DCDC2: variants seen among roughly 807,000 people sequenced by gnomAD.
DCDC2 encodes the protein doublecortin domain-containing protein 2.
In DCDC2, 40 loss-of-function variants were observed where a neutral mutation model predicts 50.2. That is an observed-to-expected ratio of 0.80 (90% confidence interval 0.62 to 1.04). The LOEUF is 1.04. Among genes scored for constraint, DCDC2 ranks in the 50% least tolerant of loss-of-function variants. The pLI is 0.00. For synonymous variants in DCDC2, 234 were observed against 210.6 expected, an observed-to-expected ratio of 1.11 and a Z score of -0.96; for missense variants, 570 against 581.9, an observed-to-expected ratio of 0.98 and a Z score of 0.21.
intron 2 of DCDC2, among the ~76,000 whole-genome samples, chr6:24,308,730 T>C (rs1033001239): frequency 2.0e-5 from 3 of 152,032 alleles, no homozygotes; most frequent in African/African-American, 7.2e-5. Context: ...AGCCCAGAAA[T>C]TGAAACTCTA....
chr6:24,229,875 A>G (rs1412271032), intron 7 of DCDC2, among the ~76,000 whole-genome samples: 1 of 151,816 alleles, frequency 6.6e-6, no homozygotes, highest in Non-Finnish European at 1.5e-5. Flanking sequence ...GAGGGTGCCT[A>G]TCCCAAACTC....
At chr6:24,359,738 G>A (rs935136566), upstream of DCDC2, among the ~76,000 whole-genome samples, 1 of 150,712 alleles carries the variant, frequency 6.6e-6, no homozygotes, top group Non-Finnish European at 1.5e-5. Flanking sequence ...CCCGGAAGGA[G>A]GGAGGGAAGG....
intron 6 of DCDC2, among the ~76,000 whole-genome samples, chr6:24,282,972 GA>G (rs1314014002): frequency 1.3e-5 from 2 of 151,796 alleles, no homozygotes; most frequent in Non-Finnish European, 2.9e-5. Context: ...GAATAATAAC[GA>G]AATTTTTTTG....
the DCDC2 span, among the ~76,000 whole-genome samples, chr6:24,381,567 T>C: frequency 6.6e-6 from 1 of 152,214 alleles, no homozygotes; most frequent in Admixed American, 6.5e-5. Context: ...TTTCTTTGAG[T>C]AATTCTAATT....
chr6:24,335,963 G>T (rs996833833), intron 2 of DCDC2, among the ~76,000 whole-genome samples: 2 of 152,142 alleles, frequency 1.3e-5, no homozygotes, highest in Admixed American at 6.6e-5. Flanking sequence ...ACCTAGCTTG[G>T]CCCAGTAGTC....
At chr6:24,343,143 G>A (rs778192818) in intron 2 of DCDC2, among the ~76,000 whole-genome samples, 10 of 151,278 alleles carry the variant, frequency 6.6e-5, no homozygotes, top group Non-Finnish European at 1.0e-4. Flanking sequence ...CGTCTCCCGG[G>A]TTCACACCAT....
Position 24,357,634 on chromosome 6 carries a change from C to A in DCDC2, c.117G>T (p.Lys39Asn), listed in dbSNP as rs1760499891. The A allele has an allele frequency of 3.1e-6, 5 of 1,613,390 alleles. No individual in the cohort carries two copies. Among genetic ancestry groups the A allele is most frequent in the Non-Finnish European group, 4.2e-6 (5 of 1,180,058 alleles). Reference sequence around the variant, plus strand: ...GGAAGACTTCGAAGCTGGACACCTTCTTCTCATGGATGACGACGCGGCGCC... The same window carrying A: ...GGAAGACTTCGAAGCTGGACACCTTATTCTCATGGATGACGACGCGGCGCC... ...YAGRRVVIHE[K>N]KVSSFEVFLK... Residue 39 changes from lysine to asparagine, a missense_variant, in exon 1 of 10, where the codon AAG becomes AAT. Lys to Asn is a moderately conservative substitution (Grantham distance 94, BLOSUM62 0). Coordinates refer to ENST00000378454, the MANE Select transcript of DCDC2 (RefSeq NM_016356.5).
At chr6:24,181,480 A>G (rs1468791321) in intron 8 of DCDC2, among the ~76,000 whole-genome samples, 1 of 152,218 alleles carries the variant, frequency 6.6e-6, no homozygotes, top group Non-Finnish European at 1.5e-5. Context: ...TTGTCATTAT[A>G]AAAACAGAAC....
At chr6:24,229,347 T>G (rs1292267778) in intron 7 of DCDC2, among the ~76,000 whole-genome samples, 1 of 152,184 alleles carries the variant, frequency 6.6e-6, no homozygotes, top group Non-Finnish European at 1.5e-5. Context: ...TTTTACATTA[T>G]CTCTCTGCTT....
chr6:24,189,683 A>C (rs1761273633), intron 8 of DCDC2, among the ~76,000 whole-genome samples: 1 of 152,106 alleles, frequency 6.6e-6, no homozygotes, highest in South Asian at 2.1e-4. Context: ...CTGTCTCACC[A>C]CCCAACCCTC....
At chr6:24,256,949 A>G (rs1278581325) in intron 7 of DCDC2, among the ~76,000 whole-genome samples, 1 of 152,210 alleles carries the variant, frequency 6.6e-6, no homozygotes, top group Admixed American at 6.5e-5. Context: ...TGACTTTTTA[A>G]TAAAATTATA....
the DCDC2 span, among the ~76,000 whole-genome samples, chr6:24,381,915 A>G: frequency 6.7e-6 from 1 of 148,786 alleles, no homozygotes; most frequent in Admixed American, 6.8e-5. Flanking sequence ...GAGAAAGAAA[A>G]GAGAGAAAGA....
chr6:24,207,405 G>A (rs1259933547), intron 7 of DCDC2, among the ~76,000 whole-genome samples: 1 of 151,666 alleles, frequency 6.6e-6, no homozygotes, highest in Non-Finnish European at 1.5e-5. Flanking sequence ...GTCACTAAAT[G>A]TTACTTGAAA....
chr6:24,222,633 A>AG (rs1762143883), intron 7 of DCDC2, among the ~76,000 whole-genome samples: 1 of 152,216 alleles, frequency 6.6e-6, no homozygotes, highest in African/African-American at 2.4e-5. Flanking sequence ...GTTAAAAGCA[A>AG]GGGGTTTAAT....
chr6:24,315,939 A>G (rs1759652402), intron 2 of DCDC2, among the ~76,000 whole-genome samples: 1 of 152,196 alleles, frequency 6.6e-6, no homozygotes, highest in Non-Finnish European at 1.5e-5. Flanking sequence ...GGGATGACTG[A>G]GGAAAAAAAG....
At chr6:24,174,942 T>C (rs1198127692) in intron 9 of DCDC2, 108 bp from the exon 10 acceptor site, 1 of 580,968 alleles carries the variant, frequency 1.7e-6, no homozygotes, top group East Asian at 3.1e-5. Flanking sequence ...ATATAAATAT[T>C]TAACTAAAAA....
intron 7 of DCDC2, among the ~76,000 whole-genome samples, chr6:24,233,100 C>T (rs145167244): frequency 4.8e-4 from 73 of 152,254 alleles, no homozygotes; most frequent in Non-Finnish European, 7.5e-4. Context: ...ATGACAATGG[C>T]GATCAGACTT....
chr6:24,187,498 C>T (rs901227659), intron 8 of DCDC2, among the ~76,000 whole-genome samples: 4 of 152,162 alleles, frequency 2.6e-5, no homozygotes, highest in Admixed American at 2.0e-4. Flanking sequence ...TCTAACCACA[C>T]TGTGCAGTTA....
chr6:24,210,052 G>GTGTC lies in DCDC2; in HGVS notation c.923-4954_923-4951dup, dbSNP rs1554145331. Reference sequence around the variant, plus strand: ...TGTGTGTGTGTGTGTGTGTGTGTGTGTGTCTGTCTGTCTGTCTGTCTGCCT... The same window carrying GTGTC: ...TGTGTGTGTGTGTGTGTGTGTGTGTGTGTCTGTCTGTCTGTCTGTCTGTCTGCCT... On this transcript the variant is annotated intron_variant, in intron 7 of 9. Transcript: ENST00000378454. 2.2e-3 allele frequency among the ~76,000 whole-genome samples: 296 copies of GTGTC among 133,278 alleles called. 1 individual carries two copies. The South Asian group carries it at 0.024, about 11-fold the overall frequency. The allele number at this position is 133,278 out of a possible 152,430, so 87.4% of individuals were successfully genotyped here.
Sources: allele counts gnomAD v4.1 joint callset (sites outside exome capture counted in the v4.1 genomes callset), GRCh38; gene constraint gnomAD v4.1.1; transcripts MANE v1.5; gene names NCBI Gene and HGNC (gene_info 2026-07-23, HGNC 2026-07-21).